The following SLCO4C1 variants were observed in gnomAD, a reference collection of about 807,000 sequenced individuals.
SLCO4C1 encodes solute carrier organic anion transporter family member 4C1.
SLCO4C1 carries 58 observed loss-of-function variants against 72.1 expected under a neutral mutation model. The ratio of observed to expected loss-of-function variants is 0.80; its 90% CI spans 0.65 to 1.00. The LOEUF (loss-of-function observed/expected upper bound fraction) is 1.00. SLCO4C1 is among the 50% of genes least tolerant of loss of function. The pLI, the probability that SLCO4C1 is intolerant of heterozygous loss-of-function variation, is 0.00. For synonymous variants in SLCO4C1, 297 were observed against 312.5 expected, an observed-to-expected ratio of 0.95 and a Z score of 0.52; for missense variants, 898 against 857.9, an observed-to-expected ratio of 1.05 and a Z score of -0.58.
chr5:102,280,300 T>C (rs540604590), intron 2 of SLCO4C1, among the ~76,000 whole-genome samples: 1 of 151,980 alleles, frequency 6.6e-6, no homozygotes, highest in South Asian at 2.1e-4. Context: ...TATTTCCATA[T>C]ACTGGCAATG....
At chr5:102,257,336 G>T in intron 7 of SLCO4C1, 26 bp from the exon 8 acceptor site, 1 of 1,550,168 alleles carries the variant, frequency 6.5e-7, no homozygotes, top group South Asian at 1.2e-5. Context: ...AATGTAGATT[G>T]TGAGAAACCA....
At position 102,236,604 on chromosome 5, in the gene SLCO4C1, T is replaced by TTGTG. The variant is rs1561362727; in HGVS notation, c.*253_*254insCACA. ...TGCGTGTGTGTGTGTGTGTGTGTGT[T>TTGTG]CGTGTGTGTGTGTGTGTGTGTGCTC... is the stretch of plus-strand genomic sequence containing the variant. On this transcript the variant is annotated 3_prime_UTR_variant, in exon 13 of 13. Coordinates refer to ENST00000310954, the MANE Select transcript of SLCO4C1 (RefSeq NM_180991.5). The TTGTG allele has an allele frequency of 3.3e-6, 1 of 299,200 alleles. No individual in the cohort carries two copies. Among genetic ancestry groups the TTGTG allele is most frequent in the African/African-American group, 3.2e-5 (1 of 31,686 alleles). The allele number at this position is 299,200 out of a possible 1,614,324, so 18.5% of individuals were successfully genotyped here.
At chr5:102,240,622 T>A in intron 11 of SLCO4C1, 96 bp downstream of exon 11, 1 of 897,944 alleles carries the variant, frequency 1.1e-6, no homozygotes, top group East Asian at 2.5e-5. Flanking sequence ...CCTTCCACTA[T>A]AATTTTTTTT....
At chr5:102,287,457 T>G (rs1338575207) in intron 2 of SLCO4C1, among the ~76,000 whole-genome samples, 1 of 152,088 alleles carries the variant, frequency 6.6e-6, no homozygotes, top group Non-Finnish European at 1.5e-5. Context: ...TAGTTTTAGT[T>G]GTTGTTAACC....
At chr5:102,255,352 A>G (rs990011554) in intron 8 of SLCO4C1, among the ~76,000 whole-genome samples, 5 of 152,160 alleles carry the variant, frequency 3.3e-5, no homozygotes, top group African/African-American at 1.2e-4. Flanking sequence ...ATGGATTCAC[A>G]TGTACTTTGT....
intron 8 of SLCO4C1, among the ~76,000 whole-genome samples, chr5:102,256,787 T>A (rs138714550): frequency 9.3e-4 from 141 of 152,264 alleles, no homozygotes; most frequent in African/African-American, 3.3e-3. Flanking sequence ...AAAACTTAAA[T>A]CAATAAAAGC....
chr5:102,258,777 G>A (rs752438987), intron 6 of SLCO4C1, among the ~76,000 whole-genome samples: 1 of 151,124 alleles, frequency 6.6e-6, no homozygotes, highest in African/African-American at 2.4e-5. Context: ...ACACACACAC[G>A]GAGTCACAAA....
intron 1 of SLCO4C1, among the ~76,000 whole-genome samples, chr5:102,295,647 G>T (rs919246786): frequency 1.4e-4 from 21 of 152,242 alleles, no homozygotes; most frequent in African/African-American, 4.6e-4. Context: ...CCGCTAAACT[G>T]AGGTAAAACA....
intron 11 of SLCO4C1, 132 bp downstream of exon 11, chr5:102,240,586 G>T: frequency 1.5e-6 from 1 of 673,374 alleles, no homozygotes. Flanking sequence ...ATTGGAAAAT[G>T]GCTTCCTTCA....
At chr5:102,290,977 G>T (rs1000000499) in intron 2 of SLCO4C1, among the ~76,000 whole-genome samples, 1 of 147,664 alleles carries the variant, frequency 6.8e-6, no homozygotes, top group African/African-American at 2.4e-5. Context: ...GAATCAACAT[G>T]TCCAGGGTGC....
At chr5:102,243,694 TCTA>T in intron 10 of SLCO4C1, among the ~76,000 whole-genome samples, 1 of 152,256 alleles carries the variant, frequency 6.6e-6, no homozygotes, top group South Asian at 2.1e-4. Context: ...CTGAAGAACA[TCTA>T]CTAGTATCAA....
At chr5:102,260,186 G>GAC (rs757440788) in intron 6 of SLCO4C1, 27 bp downstream of exon 6, 34 of 905,398 alleles carry the variant, frequency 3.8e-5, no homozygotes, top group Non-Finnish European at 4.9e-5. Context: ...GAGACTGAGA[G>GAC]AGAGACAGAG....
At chr5:102,284,098 C>T (rs146180826) in intron 2 of SLCO4C1, among the ~76,000 whole-genome samples, 34 of 151,664 alleles carry the variant, frequency 2.2e-4, no homozygotes, top group East Asian at 1.7e-3. Context: ...CTAATTCGGT[C>T]GCCAGAAAAA....
At chr5:102,276,166 A>G (rs1041234316) in intron 2 of SLCO4C1, among the ~76,000 whole-genome samples, 1 of 152,204 alleles carries the variant, frequency 6.6e-6, no homozygotes, top group Non-Finnish European at 1.5e-5. Context: ...AGCACAAAGC[A>G]AAAGTCATGA....
At chr5:102,282,860 C>T (rs962286588) in intron 2 of SLCO4C1, among the ~76,000 whole-genome samples, 3 of 151,934 alleles carry the variant, frequency 2.0e-5, no homozygotes, top group Non-Finnish European at 2.9e-5. Context: ...GGTGAATAAC[C>T]AAGGTGTGTT....
Position 102,236,643 on chromosome 5 carries a change from C to T in SLCO4C1, c.*215G>A, listed in dbSNP as rs1748440706. On this transcript the variant is annotated 3_prime_UTR_variant, in exon 13 of 13. Coordinates refer to ENST00000310954, the MANE Select transcript of SLCO4C1 (RefSeq NM_180991.5). ...GTGTGTGTGCTCGTGTGTGTGTGTG[C>T]TGTGTTTTGAGGCTTTACGTGGGCT... The T allele has an allele frequency of 2.3e-5, 10 of 431,460 alleles. No individual in the cohort carries two copies. Among genetic ancestry groups the T allele is most frequent in the Middle Eastern group, 6.8e-4 (1 of 1,476 alleles). The allele number at this position is 431,460 out of a possible 1,614,324, so 26.7% of individuals were successfully genotyped here.
intron 3 of SLCO4C1, among the ~76,000 whole-genome samples, chr5:102,269,586 T>A (rs1749110627): frequency 6.6e-6 from 1 of 152,144 alleles, no homozygotes; most frequent in Admixed American, 6.6e-5. Flanking sequence ...GATCATGAAT[T>A]GTTTCCTTGA....
chr5:102,267,467 C>T (rs1249878241), intron 3 of SLCO4C1, among the ~76,000 whole-genome samples: 1 of 151,438 alleles, frequency 6.6e-6, no homozygotes, highest in African/African-American at 2.4e-5. Context: ...GCTGTGATGC[C>T]TTCTATTTTG....
At chr5:102,266,348 A>G (rs1324493448) in intron 3 of SLCO4C1, among the ~76,000 whole-genome samples, 1 of 152,118 alleles carries the variant, frequency 6.6e-6, no homozygotes, top group Non-Finnish European at 1.5e-5. Context: ...GTTGAATAAG[A>G]GTGATGAAAG....
Sources: gnomAD v4.1 joint callset for allele counts (sites outside exome capture counted in the v4.1 genomes callset) on GRCh38, gnomAD v4.1.1 for gene constraint, MANE v1.5 for transcripts, NCBI Gene and HGNC (gene_info 2026-07-23, HGNC 2026-07-21) for gene names.